The following MUCL1 variants were observed in gnomAD, a reference collection of about 807,000 sequenced individuals.
The protein encoded by MUCL1 is mucin-like protein 1.
In MUCL1, 11 loss-of-function variants were observed where a neutral mutation model predicts 9.2. That is an observed-to-expected ratio of 1.19 (90% confidence interval 0.75 to 1.97). The LOEUF (loss-of-function observed/expected upper bound fraction) is 1.97, where lower values mean the gene tolerates loss of function less well. Ranked by LOEUF, MUCL1 falls within the 30% of genes most tolerant of loss-of-function variation. MUCL1 has a pLI of 0.00. For missense variants in MUCL1, 144 were observed against 110.9 expected, an observed-to-expected ratio of 1.30 and a Z score of -1.34; for synonymous variants, 48 against 40.5, an observed-to-expected ratio of 1.19 and a Z score of -0.71.
intron 1 of MUCL1, among the ~76,000 whole-genome samples, chr12:54,848,536 T>A (rs1311106002): frequency 1.3e-5 from 2 of 152,172 alleles, no homozygotes; most frequent in South Asian, 2.1e-4. Context: ...ATTGGAAAAC[T>A]TTTTTATTTT....
upstream of MUCL1, among the ~76,000 whole-genome samples, chr12:54,850,194 T>C (rs1959316049): frequency 6.6e-6 from 1 of 152,212 alleles, no homozygotes; most frequent in South Asian, 2.1e-4. Context: ...AAGTTTTGGG[T>C]ACATGTGCAC....
At chr12:54,840,695 T>C (rs1959206415) in intron 1 of MUCL1, among the ~76,000 whole-genome samples, 1 of 152,162 alleles carries the variant, frequency 6.6e-6, no homozygotes, top group African/African-American at 2.4e-5. Flanking sequence ...GTATAAGCAG[T>C]GACTCCAGTG....
At chr12:54,851,644 G>A (rs1288998849), upstream of MUCL1, among the ~76,000 whole-genome samples, 1 of 152,144 alleles carries the variant, frequency 6.6e-6, no homozygotes. Flanking sequence ...ACGTAGTGTT[G>A]GAAGTTCTGG....
chr12:54,847,588 A>T (rs1348935773), intron 1 of MUCL1, among the ~76,000 whole-genome samples: 1 of 152,194 alleles, frequency 6.6e-6, no homozygotes, highest in African/African-American at 2.4e-5. Context: ...GCACTCCAGC[A>T]TGGGCATCAA....
At chr12:54,853,793 A>G (rs548614209), upstream of MUCL1, among the ~76,000 whole-genome samples, 2 of 152,058 alleles carry the variant, frequency 1.3e-5, no homozygotes, top group Middle Eastern at 3.4e-3. Flanking sequence ...GTTCGCTGTT[A>G]TTTTTCTAAC....
chr12:54,841,249 CGACACTTA>C (rs1959210025), intron 1 of MUCL1, among the ~76,000 whole-genome samples: 1 of 152,042 alleles, frequency 6.6e-6, no homozygotes, highest in Non-Finnish European at 1.5e-5. Context: ...ATTTATTAAC[CGACACTTA>C]GATTGTTTTT....
chr12:54,835,295 C>T (rs972710107), upstream of MUCL1, among the ~76,000 whole-genome samples: 1 of 152,048 alleles, frequency 6.6e-6, no homozygotes, highest in African/African-American at 2.4e-5. Flanking sequence ...CTGGATCAAA[C>T]AGTAGATCTA....
intron 1 of MUCL1, among the ~76,000 whole-genome samples, chr12:54,854,911 G>A (rs916876416): frequency 2.6e-5 from 4 of 152,006 alleles, no homozygotes; most frequent in Non-Finnish European, 4.4e-5. Flanking sequence ...GGTTTATTTC[G>A]GGAAAGGAAA....
At chr12:54,844,014 G>A (rs958911189) in intron 1 of MUCL1, among the ~76,000 whole-genome samples, 1 of 151,976 alleles carries the variant, frequency 6.6e-6, no homozygotes, top group African/African-American at 2.4e-5. Flanking sequence ...ACTAGATTTG[G>A]TAATTTATTG....
intron 1 of MUCL1, among the ~76,000 whole-genome samples, chr12:54,843,619 C>T (rs1959225124): frequency 6.6e-6 from 1 of 152,166 alleles, no homozygotes; most frequent in Non-Finnish European, 1.5e-5. Context: ...AAGAGGGAGA[C>T]AGGAAAGTCA....
intron 1 of MUCL1, among the ~76,000 whole-genome samples, 160 bp from the exon 2 acceptor site, chr12:54,854,956 G>A (rs923369292): frequency 6.6e-6 from 1 of 152,100 alleles, no homozygotes; most frequent in Non-Finnish European, 1.5e-5. Flanking sequence ...TGGTTTTCAT[G>A]GGTTTTATCT....
At chr12:54,848,297 C>T (rs1015874116) in intron 1 of MUCL1, among the ~76,000 whole-genome samples, 3 of 152,094 alleles carry the variant, frequency 2.0e-5, no homozygotes, top group African/African-American at 7.2e-5. Flanking sequence ...ATATGCTCTA[C>T]ATTAGAGTGT....
Position 54,858,337 on chromosome 12 carries a change from TATCTCTA to T in MUCL1, c.*99_*105del. The T allele has an allele frequency of 7.2e-7, 1 of 1,389,068 alleles. No homozygotes were observed. Among genetic ancestry groups the T allele is most frequent in the Non-Finnish European group, 1.0e-6 (1 of 979,020 alleles). 86.0% of individuals were successfully genotyped at this position (1,389,068 alleles called of 1,614,324 possible). A position where few individuals can be genotyped will look rare whatever the true frequency, so the allele number is the denominator to read the frequency against. On this transcript the variant is annotated 3_prime_UTR_variant, in exon 4 of 4. Transcript: ENST00000308796. Reference sequence around the variant, plus strand: ...CTTACCTTGCCTACGATATCCCCTTTATCTCTAATCAGTTTATTTTCTTTCAAATAAA... The same window carrying T: ...CTTACCTTGCCTACGATATCCCCTTTATCAGTTTATTTTCTTTCAAATAAA...
At chr12:54,833,783 A>T (rs10735857) in intron 1 of MUCL1, among the ~76,000 whole-genome samples, 1 of 146,088 alleles carries the variant, frequency 6.8e-6, no homozygotes, top group African/African-American at 2.5e-5. Context: ...AGAACACATG[A>T]ACACAGGAAG....
intron 1 of MUCL1, among the ~76,000 whole-genome samples, chr12:54,845,463 G>A (rs1959241041): frequency 6.6e-6 from 1 of 152,146 alleles, no homozygotes. Flanking sequence ...ATGCAAAGAG[G>A]TGGCGACGGT....
intron 1 of MUCL1, among the ~76,000 whole-genome samples, chr12:54,840,088 C>T (rs953934671): frequency 2.0e-5 from 3 of 152,178 alleles, no homozygotes; most frequent in African/African-American, 7.2e-5. Context: ...TACTGCTCCT[C>T]TGGCTCTTGC....
chr12:54,835,551 T>A (rs1167952151), upstream of MUCL1, among the ~76,000 whole-genome samples: 1 of 152,084 alleles, frequency 6.6e-6, no homozygotes, highest in African/African-American at 2.4e-5. Context: ...GCCATTTGTA[T>A]ATCTTCTTTT....
intron 1 of MUCL1, among the ~76,000 whole-genome samples, chr12:54,842,306 T>A (rs867865144): frequency 2.0e-5 from 3 of 152,046 alleles, no homozygotes; most frequent in Non-Finnish European, 4.4e-5. Flanking sequence ...ATAAATACAA[T>A]TTAGTTTTGT....
At chr12:54,853,822 C>T (rs971270119), upstream of MUCL1, among the ~76,000 whole-genome samples, 3 of 152,114 alleles carry the variant, frequency 2.0e-5, no homozygotes, top group Non-Finnish European at 4.4e-5. Flanking sequence ...TTGTGTCTGG[C>T]ATACAATAAT....
Sources: gnomAD v4.1 joint callset for allele counts (sites outside exome capture counted in the v4.1 genomes callset) on GRCh38, gnomAD v4.1.1 for gene constraint, MANE v1.5 for transcripts, NCBI Gene and HGNC (gene_info 2026-07-23, HGNC 2026-07-21) for gene names.